SAMSN1: variants seen among roughly 807,000 people sequenced by gnomAD.
The protein encoded by SAMSN1 is SAM domain-containing protein SAMSN-1.
Under a neutral mutation model 42.0 loss-of-function variants are expected in SAMSN1, and 31 were observed. That is an observed-to-expected ratio of 0.74 (90% CI 0.55 to 1.00). SAMSN1 has a LOEUF of 1.00. SAMSN1 is among the 50% of genes least tolerant of loss of function. The pLI, the probability that SAMSN1 is intolerant of heterozygous loss-of-function variation, is 0.00. For missense variants in SAMSN1, 464 were observed against 439.4 expected (o/e 1.06, Z -0.50); for synonymous variants, 178 against 151.9 (o/e 1.17, Z -1.26).
intron 5 of SAMSN1, among the ~76,000 whole-genome samples, chr21:14,509,011 G>C (rs1987552514): frequency 6.6e-6 from 1 of 152,088 alleles, no homozygotes; most frequent in African/African-American, 2.4e-5. Flanking sequence ...AGCTAGTCGG[G>C]AGGCTGAGGG....
At chr21:14,580,891 A>G (rs2822781) in intron 2 of SAMSN1, among the ~76,000 whole-genome samples, 2,146 of 152,332 alleles carry the variant, frequency 0.014, 98 homozygotes, top group Admixed American at 0.083. Context: ...GAAAACACAC[A>G]TGACCAGAGG....
chr21:14,523,713 TGA>T (rs1200367123), intron 1 of SAMSN1, among the ~76,000 whole-genome samples: 1 of 152,200 alleles, frequency 6.6e-6, no homozygotes, highest in African/African-American at 2.4e-5. Context: ...TAAATATTAA[TGA>T]GAGTAAGGGT....
chr21:14,544,922 G>C (rs1568801553), intron 1 of SAMSN1, among the ~76,000 whole-genome samples: 1 of 151,892 alleles, frequency 6.6e-6, no homozygotes, highest in Non-Finnish European at 1.5e-5. Context: ...TTAACTATTT[G>C]TTGTACTTAA....
intron 5 of SAMSN1, among the ~76,000 whole-genome samples, chr21:14,606,643 C>T (rs1000902742): frequency 2.0e-5 from 3 of 152,072 alleles, no homozygotes; most frequent in African/African-American, 7.2e-5. Flanking sequence ...TTAATTTCTC[C>T]TCACACCTAA....
intron 2 of SAMSN1, among the ~76,000 whole-genome samples, chr21:14,565,638 G>T (rs952585361): frequency 6.6e-6 from 1 of 152,140 alleles, no homozygotes; most frequent in African/African-American, 2.4e-5. Context: ...ATAAGTCTGA[G>T]AGAAAGCTTT....
At chr21:14,560,743 C>T (rs1341911935) in intron 2 of SAMSN1, among the ~76,000 whole-genome samples, 1 of 152,086 alleles carries the variant, frequency 6.6e-6, no homozygotes, top group Non-Finnish European at 1.5e-5. Flanking sequence ...TAACTGTGTC[C>T]CTCTCTTGCT....
At chr21:14,648,578 A>C (rs1983765600) in intron 1 of SAMSN1, among the ~76,000 whole-genome samples, 1 of 152,188 alleles carries the variant, frequency 6.6e-6, no homozygotes, top group South Asian at 2.1e-4. Context: ...TACAAGAATA[A>C]AACAAACAAC....
chr21:14,493,572 ACAACACACACACACACACACACAC>A (rs750199514), intron 7 of SAMSN1, among the ~76,000 whole-genome samples: 3 of 131,722 alleles, frequency 2.3e-5, no homozygotes, highest in Non-Finnish European at 4.7e-5. Context: ...TGTTTATGGA[ACAACACACACACACACACACACAC>A]ACACACACAC....
intron 7 of SAMSN1, among the ~76,000 whole-genome samples, chr21:14,488,744 A>G (rs1362835809): frequency 6.6e-6 from 1 of 152,144 alleles, no homozygotes; most frequent in Non-Finnish European, 1.5e-5. Context: ...ATAGTTTCTG[A>G]GTATGAAAGT....
intron 2 of SAMSN1, among the ~76,000 whole-genome samples, chr21:14,562,985 A>G (rs1258787422): frequency 1.3e-5 from 2 of 152,150 alleles, no homozygotes; most frequent in Non-Finnish European, 2.9e-5. Context: ...CTAGTCTTGG[A>G]TGGTTTAAAT....
At chr21:14,654,472 T>C (rs1292147142) in intron 1 of SAMSN1, among the ~76,000 whole-genome samples, 4 of 152,030 alleles carry the variant, frequency 2.6e-5, no homozygotes, top group South Asian at 4.1e-4. Flanking sequence ...ACAGACAGCA[T>C]TGGACAGATC....
chr21:14,568,290 C>T (rs914790145), intron 2 of SAMSN1, among the ~76,000 whole-genome samples: 1 of 152,102 alleles, frequency 6.6e-6, no homozygotes, highest in African/African-American at 2.4e-5. Context: ...CCCTATATCC[C>T]CCTCATAAAT....
At chr21:14,536,225 AAAAC>A (rs1412319500) in intron 1 of SAMSN1, among the ~76,000 whole-genome samples, 13 of 152,200 alleles carry the variant, frequency 8.5e-5, no homozygotes, top group Non-Finnish European at 1.5e-4. Flanking sequence ...CATTATTGTA[AAAAC>A]AAACAAACAA....
At chr21:14,631,279 T>A (rs930289447) in intron 2 of SAMSN1, among the ~76,000 whole-genome samples, 1 of 152,230 alleles carries the variant, frequency 6.6e-6, no homozygotes, top group Admixed American at 6.5e-5. Context: ...CTGCTAATAG[T>A]ATAAAATACA....
At chr21:14,562,687 A>G (rs776195559) in intron 2 of SAMSN1, among the ~76,000 whole-genome samples, 1 of 152,062 alleles carries the variant, frequency 6.6e-6, no homozygotes, top group Non-Finnish European at 1.5e-5. Context: ...TTGACTTCCC[A>G]GAATTGTTTT....
chr21:14,518,938 C>T (rs2822717), intron 2 of SAMSN1, among the ~76,000 whole-genome samples: 42,638 of 152,022 alleles, frequency 0.28, 6,691 homozygotes, highest in Non-Finnish European at 0.35. Context: ...ATGTTAATTA[C>T]TACTTGTGTT....
intron 5 of SAMSN1, among the ~76,000 whole-genome samples, chr21:14,505,457 C>A (rs1987356341): frequency 6.6e-6 from 1 of 152,146 alleles, no homozygotes. Flanking sequence ...ACTGTTATAT[C>A]AGACAAAACA....
intron 5 of SAMSN1, among the ~76,000 whole-genome samples, chr21:14,505,202 A>T (rs1987344308): frequency 6.6e-6 from 1 of 152,318 alleles, no homozygotes; most frequent in South Asian, 2.1e-4. Flanking sequence ...ACCAAAAAAA[A>T]TGTATACAGG....
intron 1 of SAMSN1, among the ~76,000 whole-genome samples, chr21:14,539,226 A>C (rs1240193455): frequency 1.3e-5 from 2 of 152,058 alleles, no homozygotes; most frequent in Non-Finnish European, 2.9e-5. Context: ...TGCTACAAAG[A>C]AACAATAAGA....
Sources: gnomAD v4.1 joint callset for allele counts (sites outside exome capture counted in the v4.1 genomes callset) on GRCh38, gnomAD v4.1.1 for gene constraint, MANE v1.5 for transcripts, NCBI Gene and HGNC (gene_info 2026-07-23, HGNC 2026-07-21) for gene names.